SIPA1L1: variants seen among roughly 807,000 people sequenced by gnomAD.
The protein encoded by SIPA1L1 is signal-induced proliferation-associated 1-like protein 1.
Under a neutral mutation model 162.7 loss-of-function variants are expected in SIPA1L1, and 26 were observed. The ratio of observed to expected loss-of-function variants is 0.16; its 90% CI spans 0.12 to 0.22. The LOEUF (loss-of-function observed/expected upper bound fraction) is 0.22, where lower values mean the gene tolerates loss of function less well. SIPA1L1 is among the 10% of genes least tolerant of loss of function. The pLI is 1.00. For synonymous variants in SIPA1L1, 829 were observed against 837.4 expected, an observed-to-expected ratio of 0.99 and a Z score of 0.17; for missense variants, 1,874 against 2,241.0, an observed-to-expected ratio of 0.84 and a Z score of 3.31.
At chr14:71,454,046 A>G (rs1274626331) in intron 2 of SIPA1L1, among the ~76,000 whole-genome samples, 1 of 151,262 alleles carries the variant, frequency 6.6e-6, no homozygotes, top group African/African-American at 2.4e-5. Context: ...AATCCTAGAA[A>G]GAGAGTTCAT....
At chr14:71,714,511 T>C (rs1052157869) in intron 17 of SIPA1L1, among the ~76,000 whole-genome samples, 1 of 152,120 alleles carries the variant, frequency 6.6e-6, no homozygotes, top group Admixed American at 6.5e-5. Context: ...TCTACCAGGA[T>C]GAGAATTCAT....
rs1281532521 is a variant in SIPA1L1, at chr14:71,735,366, C to T, written c.5098C>T (p.Leu1700=). The change falls in exon 22 of 24, where the codon CTG becomes TTG. Residue 1700 remains leucine (L), a synonymous_variant. Coordinates refer to ENST00000381232, the MANE Select transcript of SIPA1L1 (RefSeq NM_001386936.1). ...SNSDQLEDQA[L]AQMKPYSSSK... ...CAGTGATCAGCTGGAGGACCAGGCT[C>T]TGGCCCAGATGAAGCCTTACAGCAG... is the stretch of plus-strand genomic sequence containing the variant. 8 of 1,614,020 alleles carry T rather than the reference C, an allele frequency of 5.0e-6. No individual in the cohort carries two copies. In the East Asian group the frequency reaches 1.6e-4, roughly 31 times the overall value.
intron 7 of SIPA1L1, among the ~76,000 whole-genome samples, chr14:71,634,652 G>A (rs1324632348): frequency 6.6e-6 from 1 of 151,838 alleles, no homozygotes; most frequent in Admixed American, 6.6e-5. Context: ...AAGTAGCTAA[G>A]TTGGCCGGGC....
At chr14:71,591,644 A>G (rs2035411353) in intron 5 of SIPA1L1, among the ~76,000 whole-genome samples, 1 of 152,224 alleles carries the variant, frequency 6.6e-6, no homozygotes, top group African/African-American at 2.4e-5. Flanking sequence ...ATACATTCAA[A>G]CTGTTTTATT....
At chr14:71,460,578 TC>T (rs1368094840) in intron 2 of SIPA1L1, among the ~76,000 whole-genome samples, 8 of 152,132 alleles carry the variant, frequency 5.3e-5, no homozygotes, top group African/African-American at 1.9e-4. Context: ...CAGGTGGCAA[TC>T]TCAACTTCCA....
intron 2 of SIPA1L1, among the ~76,000 whole-genome samples, chr14:71,337,147 A>T (rs1025186804): frequency 3.3e-5 from 5 of 152,038 alleles, no homozygotes; most frequent in Non-Finnish European, 7.4e-5. Context: ...CTTTTACGAC[A>T]TTCCTATTTG....
chr14:71,679,770 AG>A (rs2045605781), intron 12 of SIPA1L1, among the ~76,000 whole-genome samples: 1 of 152,204 alleles, frequency 6.6e-6, no homozygotes. Flanking sequence ...AAAAAAAGGC[AG>A]GGGTTGCAAT....
intron 2 of SIPA1L1, among the ~76,000 whole-genome samples, chr14:71,464,793 T>C (rs185043942): frequency 6.6e-6 from 1 of 152,308 alleles, no homozygotes; most frequent in Non-Finnish European, 1.5e-5. Context: ...CAGATTTCTG[T>C]TGATATAAAT....
At chr14:71,604,671 T>C (rs1419242080) in intron 5 of SIPA1L1, among the ~76,000 whole-genome samples, 2 of 152,140 alleles carry the variant, frequency 1.3e-5, no homozygotes, top group African/African-American at 4.8e-5. Flanking sequence ...CTGACAGGTT[T>C]ATTTATTTAT....
intron 17 of SIPA1L1, among the ~76,000 whole-genome samples, chr14:71,710,155 C>CTT (rs2082758087): frequency 6.6e-6 from 1 of 152,210 alleles, no homozygotes; most frequent in Admixed American, 6.5e-5. Context: ...TACATTGTAA[C>CTT]TTTTTTTCAG....
rs866319477 is a variant in SIPA1L1, at chr14:71,733,559, A to G, written c.4862-107A>G. ...CAGCCTGCTAACCTGGACATTGATA[A>G]CAGTCACAAATGGCTTACAATCTAT... On this transcript the variant is annotated intron_variant, in intron 20 of 23. Transcript: ENST00000381232. 3 of 1,138,958 alleles carry G rather than the reference A, an allele frequency of 2.6e-6. No individual in the cohort carries two copies. In the Admixed American group the frequency reaches 6.3e-5, roughly 24 times the overall value. 70.6% of individuals were successfully genotyped at this position (1,138,958 alleles called of 1,614,324 possible).
chr14:71,696,579 GA>G (rs1419418644), intron 13 of SIPA1L1, among the ~76,000 whole-genome samples: 1 of 152,208 alleles, frequency 6.6e-6, no homozygotes, highest in Non-Finnish European at 1.5e-5. Context: ...GAGAACTCCT[GA>G]TTTGGGGCAT....
At position 71,349,960 on chromosome 14, in the gene SIPA1L1, A is replaced by C. The variant is rs1456370102; in HGVS notation, c.-465+28779A>C. 2.0e-5 allele frequency among the ~76,000 whole-genome samples: 3 copies of C among 152,148 alleles called. 1 individual carries two copies. Among genetic ancestry groups the C allele is most frequent in the African/African-American group, 7.2e-5 (3 of 41,430 alleles). On this transcript the variant is annotated intron_variant, in intron 2 of 23. Transcript: ENST00000381232. ...GTGGAGAATAGGACATCTTTTGAAG[A>C]GGTGATACTGCTTCTAAAATCTGAA...
chr14:71,605,609 A>T (rs1293397916), intron 5 of SIPA1L1, among the ~76,000 whole-genome samples: 1 of 152,212 alleles, frequency 6.6e-6, no homozygotes. Flanking sequence ...TGCATGTAGT[A>T]GTATAGTCTC....
intron 3 of SIPA1L1, among the ~76,000 whole-genome samples, chr14:71,515,469 T>C (rs2051620602): frequency 6.6e-6 from 1 of 152,194 alleles, no homozygotes; most frequent in Admixed American, 6.5e-5. Context: ...CTATGGGCTA[T>C]GGAATTGCTC....
At position 71,709,305 on chromosome 14, in the gene SIPA1L1, C is replaced by T. The variant is rs140000513; in HGVS notation, c.3849C>T (p.Tyr1283=). 16 of 1,614,088 alleles carry T rather than the reference C, an allele frequency of 9.9e-6. No individual in the cohort carries two copies. The highest frequency in any genetic ancestry group is 2.7e-5 in the African/African-American group (2 of 74,936). Reference sequence around the variant, plus strand: ...GTGCCCATAGTGATGAGAAGTGGTACGATGGGGACCGCACAGAATCCGAAC... The same window carrying T: ...GTGCCCATAGTGATGAGAAGTGGTATGATGGGGACCGCACAGAATCCGAAC... ...ASSAHSDEKW[Y]DGDRTESELN... The change falls in exon 17 of 24, where the codon TAC becomes TAT. Residue 1283 remains tyrosine (Y), a synonymous_variant. Coordinates refer to ENST00000381232, the MANE Select transcript of SIPA1L1 (RefSeq NM_001386936.1).
At chr14:71,732,456 C>T (rs1227443429) in intron 20 of SIPA1L1, among the ~76,000 whole-genome samples, 1 of 152,036 alleles carries the variant, frequency 6.6e-6, no homozygotes, top group African/African-American at 2.4e-5. Flanking sequence ...GCGTCGTTTC[C>T]CCTGGACCCC....
At chr14:71,612,288 A>G (rs888687596) in intron 5 of SIPA1L1, among the ~76,000 whole-genome samples, 7 of 152,206 alleles carry the variant, frequency 4.6e-5, no homozygotes, top group Non-Finnish European at 8.8e-5. Context: ...ACCAATCCAC[A>G]GTGCCACCAG....
chr14:71,635,066 T>G (rs1171221384), intron 7 of SIPA1L1, among the ~76,000 whole-genome samples: 5 of 151,784 alleles, frequency 3.3e-5, no homozygotes, highest in African/African-American at 1.2e-4. Context: ...TCACCTGACA[T>G]CAGGAGTTCG....
Sources: gnomAD v4.1 joint callset for allele counts (sites outside exome capture counted in the v4.1 genomes callset) on GRCh38, gnomAD v4.1.1 for gene constraint, MANE v1.5 for transcripts, NCBI Gene and HGNC (gene_info 2026-07-23, HGNC 2026-07-21) for gene names.